CDH4: variants seen among roughly 807,000 people sequenced by gnomAD.
The protein encoded by CDH4 is cadherin 4.
Under a neutral mutation model 86.0 loss-of-function variants are expected in CDH4, and 33 were observed. The observed-to-expected ratio is 0.38, with a 90% CI of 0.29 to 0.51. The LOEUF is 0.51. Among genes scored for constraint, CDH4 ranks in the 20% least tolerant of loss-of-function variants. The pLI is 0.86. For missense variants in CDH4, 1,114 were observed against 1,307.4 expected, an observed-to-expected ratio of 0.85 and a Z score of 2.28; for synonymous variants, 555 against 549.4, an observed-to-expected ratio of 1.01 and a Z score of -0.14.
intron 2 of CDH4, among the ~76,000 whole-genome samples, chr20:61,267,029 G>A (rs914232853): frequency 2.0e-5 from 3 of 152,160 alleles, no homozygotes; most frequent in Non-Finnish European, 4.4e-5. Context: ...TTGGAGCAAT[G>A]CAACCACAAG....
chr20:61,682,040 A>G (rs910848439), intron 2 of CDH4, among the ~76,000 whole-genome samples: 4 of 152,308 alleles, frequency 2.6e-5, no homozygotes, highest in African/African-American at 9.6e-5. Flanking sequence ...GTATCCTGCT[A>G]AGCGTCTGCC....
intron 2 of CDH4, among the ~76,000 whole-genome samples, chr20:61,545,898 T>TGTGGGATATGGTGTGTGTTCACAC (rs2086076429): frequency 1.2e-5 from 1 of 84,446 alleles, no homozygotes; most frequent in Non-Finnish European, 2.5e-5. Flanking sequence ...TGTGTTCGTA[T>TGTGGGATATGGTGTGTGTTCACAC]GTGTGTGTGT....
intron 2 of CDH4, among the ~76,000 whole-genome samples, chr20:61,721,593 G>A (rs1029811254): frequency 1.3e-5 from 2 of 152,194 alleles, no homozygotes; most frequent in Admixed American, 6.5e-5. Context: ...AAGACTTCAT[G>A]TCAGAATTGC....
At chr20:61,354,743 C>G (rs865957488) in intron 2 of CDH4, among the ~76,000 whole-genome samples, 1 of 152,224 alleles carries the variant, frequency 6.6e-6, no homozygotes, top group South Asian at 2.1e-4. Flanking sequence ...TTCACAGGAC[C>G]TCGTTGGCTT....
At chr20:61,823,272 A>G (rs1172336613) in intron 4 of CDH4, among the ~76,000 whole-genome samples, 1 of 1,162 alleles carries the variant, frequency 8.6e-4, no homozygotes, top group African/African-American at 2.8e-3. Context: ...AATGGTGGTG[A>G]TGATGGTGTT....
chr20:61,608,143 A>G (rs1289018737), intron 2 of CDH4, among the ~76,000 whole-genome samples: 2 of 152,124 alleles, frequency 1.3e-5, no homozygotes, highest in African/African-American at 2.4e-5. Context: ...GCTGCAGGAC[A>G]AGGTAAAGCC....
chr20:61,553,539 A>G (rs543555853), intron 2 of CDH4, among the ~76,000 whole-genome samples: 1 of 152,324 alleles, frequency 6.6e-6, no homozygotes, highest in African/African-American at 2.4e-5. Context: ...CATGTCCTTG[A>G]TGAGCATGTG....
intron 4 of CDH4, among the ~76,000 whole-genome samples, chr20:61,782,510 A>G (rs1335086088): frequency 6.6e-6 from 1 of 152,218 alleles, no homozygotes; most frequent in African/African-American, 2.4e-5. Flanking sequence ...ATAAAAGATT[A>G]TCATTTTTCT....
chr20:61,679,433 G>A (rs939333760), intron 2 of CDH4, among the ~76,000 whole-genome samples: 13 of 152,252 alleles, frequency 8.5e-5, no homozygotes, highest in South Asian at 6.2e-4. Context: ...TGGGGATCTC[G>A]CTGCTGTGGC....
intron 13 of CDH4, among the ~76,000 whole-genome samples, chr20:61,930,640 A>G (rs1428692319): frequency 6.6e-6 from 1 of 152,186 alleles, no homozygotes; most frequent in African/African-American, 2.4e-5. Flanking sequence ...CCAGGGACCA[A>G]CCTGAGCCCT....
intron 7 of CDH4, among the ~76,000 whole-genome samples, chr20:61,883,357 C>T (rs1284390880): frequency 1.3e-5 from 2 of 152,232 alleles, no homozygotes; most frequent in African/African-American, 2.4e-5. Context: ...TGCTTCCAAC[C>T]TAGGGCGACG....
At chr20:61,924,245 C>T (rs977434185) in intron 10 of CDH4, 89 bp from the exon 11 acceptor site, 1 of 1,317,716 alleles carries the variant, frequency 7.6e-7, no homozygotes, top group African/African-American at 1.4e-5. Context: ...CAGGCCCAGG[C>T]CCTGGAGGTG....
At chr20:61,655,088 A>G (rs1568736540) in intron 2 of CDH4, among the ~76,000 whole-genome samples, 1 of 152,254 alleles carries the variant, frequency 6.6e-6, no homozygotes, top group East Asian at 1.9e-4. Flanking sequence ...TGACAAGGAT[A>G]TTACGTTTGT....
chr20:61,656,305 G>T (rs1467426955), intron 2 of CDH4, among the ~76,000 whole-genome samples: 1 of 119,206 alleles, frequency 8.4e-6, no homozygotes, highest in Non-Finnish European at 1.7e-5. Flanking sequence ...GGGTGGGTAG[G>T]CACGTGCTGA....
chr20:61,925,804 C>T (rs1478138245), intron 11 of CDH4, among the ~76,000 whole-genome samples: 1 of 152,178 alleles, frequency 6.6e-6, no homozygotes, highest in Admixed American at 6.5e-5. Flanking sequence ...GCTGCTGGAG[C>T]TCCAGCCGTC....
intron 2 of CDH4, among the ~76,000 whole-genome samples, chr20:61,734,058 G>T (rs1424510277): frequency 6.6e-6 from 1 of 152,174 alleles, no homozygotes; most frequent in Non-Finnish European, 1.5e-5. Context: ...TAGACAGATG[G>T]GGGTAAAGGG....
chr20:61,727,797 T>A (rs554317166), intron 2 of CDH4, among the ~76,000 whole-genome samples: 1 of 152,292 alleles, frequency 6.6e-6, no homozygotes, highest in East Asian at 1.9e-4. Context: ...AGGGAATTCA[T>A]GAGACATCTG....
intron 7 of CDH4, among the ~76,000 whole-genome samples, chr20:61,883,448 G>A (rs1984387475): frequency 6.6e-6 from 1 of 152,158 alleles, no homozygotes; most frequent in Admixed American, 6.5e-5. Flanking sequence ...TTGCATGGGT[G>A]GAGGCCAGGA....
chr20:61,492,460 T>C (rs1392739322), intron 2 of CDH4, among the ~76,000 whole-genome samples: 2 of 152,078 alleles, frequency 1.3e-5, no homozygotes, highest in Admixed American at 1.3e-4. Context: ...ATTGTTGATG[T>C]TGGTGATGTT....
Sources: gnomAD v4.1 joint callset for allele counts (sites outside exome capture counted in the v4.1 genomes callset) on GRCh38, gnomAD v4.1.1 for gene constraint, MANE v1.5 for transcripts, NCBI Gene and HGNC (gene_info 2026-07-23, HGNC 2026-07-21) for gene names.